Variants in RAB30 observed in about 807,000 individuals in gnomAD.
RAB30 encodes the protein RAB30, member RAS oncogene family.
Under a neutral mutation model 25.1 loss-of-function variants are expected in RAB30, and 9 were observed. The observed-to-expected ratio is 0.36, with a 90% CI of 0.22 to 0.63. The LOEUF (loss-of-function observed/expected upper bound fraction) is 0.63, where lower values mean the gene tolerates loss of function less well. Among genes scored for constraint, RAB30 ranks in the 20% least tolerant of loss-of-function variants. The probability of loss-of-function intolerance (pLI) is 0.69; values close to 1 mark genes in which losing one functional copy is unlikely to be tolerated. For missense variants in RAB30, 140 were observed against 243.5 expected, an observed-to-expected ratio of 0.58 and a Z score of 2.83; for synonymous variants, 77 against 86.4, an observed-to-expected ratio of 0.89 and a Z score of 0.60.
chr11:83,001,184 G>GT (rs367793045), intron 1 of RAB30, among the ~76,000 whole-genome samples: 62 of 151,966 alleles, frequency 4.1e-4, no homozygotes, highest in South Asian at 1.5e-3. Context: ...TGTTGAATGT[G>GT]TTTTTGTTTG....
chr11:82,987,762 G>A lies in RAB30; in HGVS notation c.186C>T (p.Ile62=), dbSNP rs147598434. 852 of 1,604,082 alleles carry A rather than the reference G, an allele frequency of 5.3e-4. 8 individuals carry two copies. The Middle Eastern group carries it at 6.8e-3, about 13-fold the overall frequency. The change falls in exon 4 of 5, where the codon ATC becomes ATT. Residue 62 remains isoleucine, a synonymous_variant. Coordinates refer to ENST00000527633, the MANE Select transcript of RAB30 (RefSeq NM_001286060.2). ...EINGEKVKLQ[I]WDTAGQERFR... ...ATCTCTCTTGACCTGCTGTGTCCCA[G>A]ATCTGTAGCTGTAAAGGCATAAGAT...
At chr11:82,994,762 A>C (rs1271836261) in intron 2 of RAB30, among the ~76,000 whole-genome samples, 3 of 152,202 alleles carry the variant, frequency 2.0e-5, no homozygotes, top group Non-Finnish European at 4.4e-5. Flanking sequence ...ATGTGTAATT[A>C]CATGGGATCA....
chr11:83,020,219 T>C (rs1158618891), intron 1 of RAB30, among the ~76,000 whole-genome samples: 9 of 152,204 alleles, frequency 5.9e-5, no homozygotes, highest in African/African-American at 1.9e-4. Context: ...ATCCCTGTAC[T>C]CTTGGGGGTC....
At position 83,033,721 on chromosome 11, in the gene RAB30, C is replaced by T. The variant is rs1857926820; in HGVS notation, c.-8-36397G>A. 3.3e-5 allele frequency among the ~76,000 whole-genome samples: 5 copies of T among 152,144 alleles called. No individual in the cohort carries two copies. In the South Asian group the frequency reaches 1.0e-3, roughly 32 times the overall value. ...TTAACATTCAAAACTGAATCCTCTG[C>T]TACCACACTGGGAATTAAGAAAACA... is the stretch of plus-strand genomic sequence containing the variant. On this transcript the variant is annotated intron_variant, in intron 1 of 4. Transcript: ENST00000527633.
At position 83,034,365 on chromosome 11, in the gene RAB30, C is replaced by T. The variant is rs989882243; in HGVS notation, c.-8-37041G>A. Reference sequence around the variant, plus strand: ...CGGTTCAGGCCTGCCAGCCCCTCCCCCTGCAGCTAAGAATCTCTGAGCCAG... The same window carrying T: ...CGGTTCAGGCCTGCCAGCCCCTCCCTCTGCAGCTAAGAATCTCTGAGCCAG... On this transcript the variant is annotated intron_variant, in intron 1 of 4. Coordinates refer to ENST00000527633, the MANE Select transcript of RAB30 (RefSeq NM_001286060.2). 16 of 152,424 alleles carry T rather than the reference C, an allele frequency of 1.0e-4. 1 individual carries two copies. Among genetic ancestry groups the T allele is most frequent in the African/African-American group, 3.8e-4 (16 of 41,562 alleles). 9.4% of individuals were successfully genotyped at this position (152,424 alleles called of 1,614,324 possible).
At chr11:83,008,588 T>A (rs549229329) in intron 1 of RAB30, among the ~76,000 whole-genome samples, 1 of 152,314 alleles carries the variant, frequency 6.6e-6, no homozygotes, top group East Asian at 1.9e-4. Flanking sequence ...TCCTAAGTGT[T>A]TTCCAGTGCA....
intron 1 of RAB30, among the ~76,000 whole-genome samples, chr11:83,001,046 C>CAAA (rs1181057652): frequency 0.045 from 2,360 of 52,692 alleles, 306 homozygotes; most frequent in African/African-American, 0.16. Context: ...GACTCCGTCT[C>CAAA]AAAAAAAAAA....
intron 1 of RAB30, among the ~76,000 whole-genome samples, chr11:83,023,526 T>C (rs36069599): frequency 0.15 from 22,900 of 152,146 alleles, 1,837 homozygotes; most frequent in Middle Eastern, 0.23. Context: ...GCTACTGCCG[T>C]GGGTCAGACT....
At chr11:83,001,811 G>A (rs985745550) in intron 1 of RAB30, among the ~76,000 whole-genome samples, 1 of 152,022 alleles carries the variant, frequency 6.6e-6, no homozygotes, top group African/African-American at 2.4e-5. Context: ...CTCATCTAGG[G>A]AGTAGACACG....
At chr11:83,037,318 C>T (rs1038556603) in intron 1 of RAB30, among the ~76,000 whole-genome samples, 3 of 150,868 alleles carry the variant, frequency 2.0e-5, no homozygotes, top group African/African-American at 7.3e-5. Flanking sequence ...GGTGTGATCT[C>T]GGCTCACTGC....
At chr11:82,984,857 C>T (rs1337145646) in intron 4 of RAB30, among the ~76,000 whole-genome samples, 2 of 152,202 alleles carry the variant, frequency 1.3e-5, no homozygotes, top group Non-Finnish European at 2.9e-5. Flanking sequence ...AATTATCCAA[C>T]ATTCCTGGGG....
chr11:82,982,045 A>G lies in RAB30; in HGVS notation c.*120T>C. On this transcript the variant is annotated 3_prime_UTR_variant, in exon 5 of 5. Coordinates refer to ENST00000527633, the MANE Select transcript of RAB30 (RefSeq NM_001286060.2). The stretch of plus-strand genomic sequence containing the variant: ...TTGGCCTGCCATGCTTTGTAAGCTC[A>G]GGAGCCCACAGGAGTCAGAAGGTCA... 1 of 1,372,202 alleles carries G rather than the reference A, an allele frequency of 7.3e-7. No homozygotes were observed. Among genetic ancestry groups the G allele is most frequent in the African/African-American group, 1.4e-5 (1 of 69,288 alleles). The allele number at this position is 1,372,202 out of a possible 1,614,324, so 85.0% of individuals were successfully genotyped here.
chr11:83,008,137 G>A (rs955136298), intron 1 of RAB30, among the ~76,000 whole-genome samples: 6 of 152,158 alleles, frequency 3.9e-5, no homozygotes, highest in Admixed American at 1.3e-4. Flanking sequence ...TCCTCCCACC[G>A]GGCTGAACAC....
chr11:83,064,270 A>T (rs1362136204), intron 1 of RAB30, among the ~76,000 whole-genome samples: 1 of 152,072 alleles, frequency 6.6e-6, no homozygotes, highest in Non-Finnish European at 1.5e-5. Context: ...AAAAATACAA[A>T]AATATCTTCA....
In RAB30 at chr11:82,980,515, G is replaced by A. The variant is rs1025876385; in HGVS notation, c.*1650C>T. 2 of 152,168 alleles carry A rather than the reference G, an allele frequency of 1.3e-5. No individual in the cohort carries two copies. Among genetic ancestry groups the A allele is most frequent in the African/African-American group, 2.4e-5 (1 of 41,418 alleles). The allele number at this position is 152,168 out of a possible 1,614,324, so 9.4% of individuals were successfully genotyped here. A position where few individuals can be genotyped will look rare whatever the true frequency, so the allele number is the denominator to read the frequency against. On this transcript the variant is annotated 3_prime_UTR_variant, in exon 5 of 5. Transcript: ENST00000527633. The stretch of plus-strand genomic sequence containing the variant: ...ACATCAACATATCAGAACTGAGATT[G>A]TCACCATCTACAGCAACAGTGGAAT...
intron 2 of RAB30, among the ~76,000 whole-genome samples, chr11:82,995,245 T>C (rs1856934990): frequency 6.6e-6 from 1 of 152,224 alleles, no homozygotes; most frequent in East Asian, 1.9e-4. Context: ...AGTTTTAGCT[T>C]AAAAGACTGA....
At chr11:83,019,377 GA>G (rs1857513527) in intron 1 of RAB30, among the ~76,000 whole-genome samples, 1 of 152,186 alleles carries the variant, frequency 6.6e-6, no homozygotes, top group African/African-American at 2.4e-5. Context: ...CAGCAAAAGT[GA>G]AGATGGAAAT....
intron 3 of RAB30, chr11:82,992,477 C>T (rs1171927993): frequency 2.3e-6 from 1 of 436,504 alleles, no homozygotes; most frequent in African/African-American, 2.0e-5. Context: ...TCTGTGATGG[C>T]AAGTATCTAG....
At chr11:83,017,660 T>TAGAA (rs1428567374) in intron 1 of RAB30, among the ~76,000 whole-genome samples, 7 of 152,228 alleles carry the variant, frequency 4.6e-5, no homozygotes, top group African/African-American at 1.7e-4. Context: ...TTATTTCACT[T>TAGAA]AGAATAATGA....
Sources: gnomAD v4.1 joint callset for allele counts (sites outside exome capture counted in the v4.1 genomes callset) on GRCh38, gnomAD v4.1.1 for gene constraint, MANE v1.5 for transcripts, NCBI Gene and HGNC (gene_info 2026-07-23, HGNC 2026-07-21) for gene names.